SMYD3: variants seen among roughly 807,000 people sequenced by gnomAD.
SMYD3 encodes the protein SET and MYND domain containing 3.
Under a neutral mutation model 57.7 loss-of-function variants are expected in SMYD3, and 36 were observed. The observed-to-expected ratio is 0.62, with a 90% CI of 0.48 to 0.82. The LOEUF is 0.82. Among genes scored for constraint, SMYD3 ranks in the 40% least tolerant of loss-of-function variants. The pLI, the probability that SMYD3 is intolerant of heterozygous loss-of-function variation, is 0.00. For missense variants in SMYD3, 515 were observed against 538.8 expected, an observed-to-expected ratio of 0.96 and a Z score of 0.44; for synonymous variants, 211 against 195.0, an observed-to-expected ratio of 1.08 and a Z score of -0.68.
At chr1:246,017,364 C>A (rs571713292) in intron 5 of SMYD3, among the ~76,000 whole-genome samples, 1 of 152,326 alleles carries the variant, frequency 6.6e-6, no homozygotes, top group East Asian at 1.9e-4. Flanking sequence ...TTACTACCAT[C>A]CAATCCTAGG....
At chr1:246,444,536 T>C (rs970735274) in intron 1 of SMYD3, among the ~76,000 whole-genome samples, 19 of 152,350 alleles carry the variant, frequency 1.2e-4, no homozygotes, top group African/African-American at 3.6e-4. Context: ...CATGACTGAC[T>C]GCCTTTGTCA....
intron 5 of SMYD3, among the ~76,000 whole-genome samples, chr1:245,965,349 T>G (rs1017635272): frequency 6.6e-6 from 1 of 152,198 alleles, no homozygotes; most frequent in African/African-American, 2.4e-5. Flanking sequence ...CTTGGATTAG[T>G]AGTAAGTGTA....
At chr1:246,332,230 A>T (rs958968623) in intron 3 of SMYD3, among the ~76,000 whole-genome samples, 1 of 152,248 alleles carries the variant, frequency 6.6e-6, no homozygotes, top group African/African-American at 2.4e-5. Flanking sequence ...AACACAAGGG[A>T]GAGTTCTGAA....
At chr1:245,822,983 C>T (rs58650051) in intron 10 of SMYD3, among the ~76,000 whole-genome samples, 8,581 of 152,208 alleles carry the variant, frequency 0.056, 807 homozygotes, top group African/African-American at 0.19. Flanking sequence ...ATGGGTGAGG[C>T]AAAGTGCTCA....
intron 10 of SMYD3, among the ~76,000 whole-genome samples, chr1:245,823,946 G>A (rs947455198): frequency 2.0e-5 from 3 of 152,174 alleles, no homozygotes; most frequent in Non-Finnish European, 2.9e-5. Context: ...CGAAGGCACC[G>A]CACGCAGGGC....
At position 245,749,474 on chromosome 1, in the gene SMYD3, G is replaced by A; in HGVS notation, c.*89C>T. ...CGGAACAGAATTTCCAATAGGAGAG[G>A]TTCACACAGCTAACAAAGCATAGAG... On this transcript the variant is annotated 3_prime_UTR_variant, in exon 12 of 12. Coordinates refer to ENST00000490107, the MANE Select transcript of SMYD3 (RefSeq NM_001167740.2). The A allele has an allele frequency of 9.9e-7, 1 of 1,014,446 alleles. No homozygotes were observed. 62.8% of individuals were successfully genotyped at this position (1,014,446 alleles called of 1,614,324 possible).
At chr1:246,266,612 G>A (rs967168795) in intron 5 of SMYD3, among the ~76,000 whole-genome samples, 1 of 152,034 alleles carries the variant, frequency 6.6e-6, no homozygotes, top group African/African-American at 2.4e-5. Context: ...TCTCTGAATA[G>A]TCTCTGAAAC....
At chr1:245,806,081 G>C (rs2048130859) in intron 10 of SMYD3, among the ~76,000 whole-genome samples, 1 of 152,110 alleles carries the variant, frequency 6.6e-6, no homozygotes, top group Non-Finnish European at 1.5e-5. Context: ...GTTAGCTGCT[G>C]GGAAGACAGT....
At chr1:246,263,317 T>C (rs1186178783) in intron 5 of SMYD3, among the ~76,000 whole-genome samples, 1 of 150,448 alleles carries the variant, frequency 6.6e-6, no homozygotes, top group Non-Finnish European at 1.5e-5. Flanking sequence ...TCAGAGATTA[T>C]GGTGAGGACT....
intron 5 of SMYD3, chr1:246,052,420 A>G (rs1232670158): frequency 1.3e-5 from 2 of 152,186 alleles, no homozygotes; most frequent in East Asian, 1.9e-4. Flanking sequence ...GATGAGATAG[A>G]TAACAGGAAA....
At chr1:246,029,673 G>GAAAAAAAAAAAAAAAAAAAAAAAA (rs34698516) in intron 5 of SMYD3, among the ~76,000 whole-genome samples, 1 of 88,152 alleles carries the variant, frequency 1.1e-5, no homozygotes. Context: ...CTCTGTCTCA[G>GAAAAAAAAAAAAAAAAAAAAAAAA]AAAAAAAAAA....
intron 5 of SMYD3, among the ~76,000 whole-genome samples, chr1:246,043,092 A>G (rs2059905715): frequency 6.6e-6 from 1 of 152,198 alleles, no homozygotes. Context: ...ATAAATAAAC[A>G]CATGCCAACA....
At chr1:245,997,912 C>T (rs2058964387) in intron 5 of SMYD3, among the ~76,000 whole-genome samples, 1 of 152,248 alleles carries the variant, frequency 6.6e-6, no homozygotes, top group Non-Finnish European at 1.5e-5. Context: ...CTGGCAGATG[C>T]TCAGACAAGA....
chr1:245,781,650 T>A (rs1180000082), intron 10 of SMYD3, among the ~76,000 whole-genome samples: 1 of 152,230 alleles, frequency 6.6e-6, no homozygotes, highest in African/African-American at 2.4e-5. Context: ...ATGTGTCTTA[T>A]AATGGTCTCC....
intron 5 of SMYD3, among the ~76,000 whole-genome samples, chr1:246,265,479 G>A: frequency 6.6e-6 from 1 of 151,926 alleles, no homozygotes; most frequent in Non-Finnish European, 1.5e-5. Context: ...TTTGTCTTAA[G>A]AAAAAATTCT....
chr1:246,481,807 C>G (rs1015152987), intron 1 of SMYD3, among the ~76,000 whole-genome samples: 1 of 149,840 alleles, frequency 6.7e-6, no homozygotes, highest in African/African-American at 2.5e-5. Context: ...ATCGATCGAT[C>G]GATCAATACT....
intron 5 of SMYD3, among the ~76,000 whole-genome samples, chr1:246,225,805 G>A (rs1158696432): frequency 2.0e-5 from 3 of 152,100 alleles, no homozygotes; most frequent in African/African-American, 4.8e-5. Context: ...GGAGGGATTC[G>A]TAACAACTAT....
At chr1:246,194,082 C>T (rs144495571) in intron 5 of SMYD3, among the ~76,000 whole-genome samples, 79 of 152,230 alleles carry the variant, frequency 5.2e-4, no homozygotes, top group Middle Eastern at 3.4e-3. Context: ...TCTAAAGGTT[C>T]CTCATACCAT....
chr1:246,135,704 T>C (rs1345196852), intron 5 of SMYD3, among the ~76,000 whole-genome samples: 2 of 152,138 alleles, frequency 1.3e-5, no homozygotes, highest in African/African-American at 2.4e-5. Context: ...AATGTATACA[T>C]ATTATATATG....
Sources: gnomAD v4.1 joint callset for allele counts (sites outside exome capture counted in the v4.1 genomes callset) on GRCh38, gnomAD v4.1.1 for gene constraint, MANE v1.5 for transcripts, NCBI Gene and HGNC (gene_info 2026-07-23, HGNC 2026-07-21) for gene names.